Variants in SHANK2 observed in about 807,000 individuals in gnomAD.
SHANK2 encodes the protein SH3 and multiple ankyrin repeat domains 2, also known as SH3 and multiple ankyrin repeat domains protein 2.
A neutral mutation model predicts 133.7 loss-of-function variants in SHANK2; 43 were observed. The ratio of observed to expected loss-of-function variants is 0.32; its 90% CI spans 0.25 to 0.41. The LOEUF is 0.41. Ranked by LOEUF, SHANK2 falls within the 10% of genes least tolerant of loss-of-function variation. The probability of loss-of-function intolerance (pLI) is 1.00; values close to 1 mark genes in which losing one functional copy is unlikely to be tolerated. For missense variants in SHANK2, 1,994 were observed against 2,235.8 expected (o/e 0.89, Z 2.18); for synonymous variants, 1,017 against 952.8 (o/e 1.07, Z -1.24).
rs1163134116 is a variant in SHANK2, at chr11:71,195,085, T to C, written c.-13+29612A>G. Among the ~76,000 whole-genome samples the C allele has an allele frequency of 2.0e-5, 3 of 152,348 alleles. No individual in the cohort carries two copies. In the East Asian group the frequency reaches 5.8e-4, roughly 29 times the overall value. Reference sequence around the variant, plus strand: ...ACTTTTTACGTAGGGCACCTATTTATATTTAGTATTAAAAAGTGCCTAACT... The same window carrying C: ...ACTTTTTACGTAGGGCACCTATTTACATTTAGTATTAAAAAGTGCCTAACT... On this transcript the variant is annotated intron_variant, in intron 2 of 25. Coordinates refer to ENST00000601538, the MANE Select transcript of SHANK2 (RefSeq NM_012309.5).
intron 5 of SHANK2, among the ~76,000 whole-genome samples, chr11:71,110,307 G>A (rs1011694573): frequency 7.9e-5 from 12 of 152,082 alleles, no homozygotes; most frequent in East Asian, 3.9e-4. Flanking sequence ...GCGTGGTGGC[G>A]GGCACCTGTA....
chr11:70,935,649 T>C (rs1376784316), intron 10 of SHANK2, among the ~76,000 whole-genome samples: 1 of 152,224 alleles, frequency 6.6e-6, no homozygotes, highest in Admixed American at 6.5e-5. Flanking sequence ...ATTTATTTAA[T>C]CAGCAAACAC....
chr11:71,099,909 C>G (rs1282051852), intron 6 of SHANK2, among the ~76,000 whole-genome samples: 2 of 152,052 alleles, frequency 1.3e-5, no homozygotes, highest in Non-Finnish European at 2.9e-5. Context: ...ATTTGCCAGG[C>G]ATAGTGGCAT....
At chr11:70,870,244 G>A (rs147929725) in intron 11 of SHANK2, among the ~76,000 whole-genome samples, 8 of 152,238 alleles carry the variant, frequency 5.3e-5, no homozygotes, top group East Asian at 3.9e-4. Flanking sequence ...AAATGAACCC[G>A]GGGTGAGACC....
At chr11:70,787,641 C>T (rs1947699912) in intron 14 of SHANK2, among the ~76,000 whole-genome samples, 1 of 151,848 alleles carries the variant, frequency 6.6e-6, no homozygotes, top group African/African-American at 2.4e-5. Flanking sequence ...ATCACCATGA[C>T]CGCCACCAAC....
At chr11:70,537,408 C>T (rs893560350) in intron 17 of SHANK2, among the ~76,000 whole-genome samples, 5 of 152,258 alleles carry the variant, frequency 3.3e-5, no homozygotes, top group African/African-American at 1.2e-4. Flanking sequence ...TCCAATGACA[C>T]GTGTTCTCGT....
chr11:70,613,308 ATTCTCCT>A lies in SHANK2; in HGVS notation c.2061+46513_2061+46519del, dbSNP rs377575903. On this transcript the variant is annotated intron_variant, in intron 17 of 25. Transcript: ENST00000601538. ...CAGCTCCGCCTCCCAGGTTCATGCC[ATTCTCCT>A]GCCTCCGCCTCCCAAGTAGGTGGGA... Among the ~76,000 whole-genome samples the A allele has an allele frequency of 3.4e-4, 51 of 151,822 alleles. 1 individual carries two copies. The highest frequency in any genetic ancestry group is 1.2e-3 in the African/African-American group (49 of 41,342).
chr11:71,089,210 C>T (rs1294680057), intron 8 of SHANK2, among the ~76,000 whole-genome samples: 1 of 152,200 alleles, frequency 6.6e-6, no homozygotes, highest in Non-Finnish European at 1.5e-5. Context: ...ACATCCTCAA[C>T]AGGAGCCGAA....
chr11:71,132,901 T>C (rs1590942822), intron 3 of SHANK2, among the ~76,000 whole-genome samples: 1 of 152,146 alleles, frequency 6.6e-6, no homozygotes, highest in South Asian at 2.1e-4. Flanking sequence ...CTAGTTTTCA[T>C]TGTTGTATTA....
In SHANK2 at chr11:70,500,582, G is replaced by A. The variant is rs781809082; in HGVS notation, c.2296C>T (p.Arg766Trp). 51 of 1,603,474 alleles carry A rather than the reference G, an allele frequency of 3.2e-5. No homozygotes were observed. Among genetic ancestry groups the A allele is most frequent in the Admixed American group, 1.9e-4 (11 of 58,784 alleles). Reference sequence around the variant, plus strand: ...GGGCCTCCCTTACCCTTCTTCTTCCGGACCGAGGCTTGCAAACAGAAAGGG... The same window carrying A: ...GGGCCTCCCTTACCCTTCTTCTTCCAGACCGAGGCTTGCAAACAGAAAGGG... ...LEELVDKASVRKKKDKPEEIV... is the reference protein window; with the variant it reads ...LEELVDKASVWKKKDKPEEIV... The change falls in exon 21 of 26, where the codon CGG becomes TGG. Residue 766 changes from arginine (R) to tryptophan (W), a missense_variant. Arg to Trp is a moderately radical substitution (Grantham distance 101, BLOSUM62 -3). Coordinates refer to ENST00000601538, the MANE Select transcript of SHANK2 (RefSeq NM_012309.5). This position sits in a 1 kb window ranked among gnomAD's most constrained non-coding sequence, Gnocchi z 4.5.
At chr11:70,819,498 G>A (rs1555055267) in intron 12 of SHANK2, among the ~76,000 whole-genome samples, 1 of 152,208 alleles carries the variant, frequency 6.6e-6, no homozygotes, top group African/African-American at 2.4e-5. Context: ...CTGGGAGGTG[G>A]CGTGAGAAAG....
intron 21 of SHANK2, among the ~76,000 whole-genome samples, chr11:70,496,785 C>T (rs554828587): frequency 4.8e-4 from 72 of 150,132 alleles, no homozygotes; most frequent in Non-Finnish European, 8.1e-4. Flanking sequence ...TGGTGGGCAA[C>T]GGCTGCAGAA....
intron 17 of SHANK2, among the ~76,000 whole-genome samples, chr11:70,564,016 T>C (rs1305888126): frequency 6.6e-6 from 1 of 152,190 alleles, no homozygotes; most frequent in Non-Finnish European, 1.5e-5. Flanking sequence ...TGCTGTCATC[T>C]TTCTCTTTCG....
At chr11:70,857,090 C>T (rs1246557825) in intron 11 of SHANK2, among the ~76,000 whole-genome samples, 1 of 152,208 alleles carries the variant, frequency 6.6e-6, no homozygotes, top group East Asian at 1.9e-4. Context: ...GCAAACATTT[C>T]CCTGACGATG....
intron 14 of SHANK2, among the ~76,000 whole-genome samples, chr11:70,750,580 G>T (rs1946733532): frequency 6.6e-6 from 1 of 152,194 alleles, no homozygotes. Context: ...GCCTGATAAA[G>T]GGGTCTCCAT....
intron 17 of SHANK2, chr11:70,654,185 A>C (rs1272414720): frequency 6.6e-6 from 1 of 152,236 alleles, no homozygotes; most frequent in East Asian, 1.9e-4. Flanking sequence ...CTTCAGGGCC[A>C]AGAAAACAAT....
chr11:70,601,632 G>A (rs11823897), intron 17 of SHANK2, among the ~76,000 whole-genome samples: 3,903 of 152,226 alleles, frequency 0.026, 163 homozygotes, highest in African/African-American at 0.088. Flanking sequence ...GATTACAGGC[G>A]TGAGCCACCG....
chr11:70,547,720 AC>A (rs1431188491), intron 17 of SHANK2, among the ~76,000 whole-genome samples: 6 of 151,906 alleles, frequency 3.9e-5, no homozygotes, highest in African/African-American at 1.5e-4. Context: ...CTTCTCTGGG[AC>A]CCCCGCTTGA....
At chr11:71,176,245 A>G (rs28811899) in intron 2 of SHANK2, among the ~76,000 whole-genome samples, 31,352 of 152,170 alleles carry the variant, frequency 0.21, 3,427 homozygotes, top group South Asian at 0.29. Context: ...AAATTAACTA[A>G]ATCCCGCCCC....
Sources: gnomAD v4.1 joint callset for allele counts (sites outside exome capture counted in the v4.1 genomes callset) on GRCh38, gnomAD v4.1.1 for gene constraint, Gnocchi (gnomAD v3.1) non-coding constraint, MANE v1.5 for transcripts, NCBI Gene and HGNC (gene_info 2026-07-23, HGNC 2026-07-21) for gene names.